SCARA3: variants seen among roughly 807,000 people sequenced by gnomAD.
The protein encoded by SCARA3 is scavenger receptor class A member 3.
A neutral mutation model predicts 47.0 loss-of-function variants in SCARA3; 39 were observed. The ratio of observed to expected loss-of-function variants is 0.83; its 90% CI spans 0.64 to 1.08. SCARA3 has a LOEUF of 1.08. Ranked by LOEUF, SCARA3 falls within the 50% of genes least tolerant of loss-of-function variation. SCARA3 has a pLI of 0.00. For synonymous variants in SCARA3, 356 were observed against 334.1 expected, an observed-to-expected ratio of 1.07 and a Z score of -0.71; for missense variants, 724 against 792.3, an observed-to-expected ratio of 0.91 and a Z score of 1.04.
intron 4 of SCARA3, 55 bp from the exon 5 acceptor site, chr8:27,658,441 A>T: frequency 4.1e-6 from 6 of 1,446,494 alleles, no homozygotes; most frequent in Non-Finnish European, 4.7e-6. Context: ...TTTAAAGAGG[A>T]AGCGTCGTAC....
chr8:27,705,490 A>G, the SCARA3 span, among the ~76,000 whole-genome samples: 5 of 152,264 alleles, frequency 3.3e-5, no homozygotes, highest in African/African-American at 1.2e-4. Context: ...ATCACCCGAC[A>G]GGGGCTCCTT....
At chr8:27,708,631 G>A in the SCARA3 span, among the ~76,000 whole-genome samples, 1 of 152,012 alleles carries the variant, frequency 6.6e-6, no homozygotes, top group South Asian at 2.1e-4. Context: ...TTGGTGGTGG[G>A]TTAGCGGACA....
At chr8:27,730,115 G>C in the SCARA3 span, among the ~76,000 whole-genome samples, 7 of 152,138 alleles carry the variant, frequency 4.6e-5, no homozygotes, top group African/African-American at 1.7e-4. Flanking sequence ...CCACCCTCAA[G>C]CACAGGGATG....
chr8:27,688,786 T>C, the SCARA3 span, among the ~76,000 whole-genome samples: 1 of 152,196 alleles, frequency 6.6e-6, no homozygotes, highest in Non-Finnish European at 1.5e-5. Context: ...AGGGAGCTCT[T>C]AGCTGCAACT....
At chr8:27,673,672 C>T (rs1485598394), downstream of SCARA3, among the ~76,000 whole-genome samples, 1 of 152,128 alleles carries the variant, frequency 6.6e-6, no homozygotes, top group Non-Finnish European at 1.5e-5. Context: ...TGAGGTCCCT[C>T]CTCCCCACTG....
At chr8:27,649,613 G>T in intron 1 of SCARA3, 89 bp from the exon 2 acceptor site, 1 of 1,214,538 alleles carries the variant, frequency 8.2e-7, no homozygotes, top group Non-Finnish European at 1.2e-6. Flanking sequence ...GGGTAGAGGT[G>T]GGCATGGGAT....
chr8:27,658,831 C>T lies in SCARA3; in HGVS notation c.661C>T (p.His221Tyr), dbSNP rs771319850. ...GTGCTACGATGTCAAGGCTGCAGTG[C>T]ACCAGATCAACTTCACCGTGGGGCA... is the stretch of plus-strand genomic sequence containing the variant. ...QECYDVKAAV[H>Y]QINFTVGQTS... Residue 221 changes from histidine (H) to tyrosine (Y), a missense_variant, in exon 5 of 6, where the codon CAC becomes TAC. Transcript: ENST00000301904. The T allele has an allele frequency of 6.2e-7, 1 of 1,614,196 alleles. No homozygotes were observed. Among genetic ancestry groups the T allele is most frequent in the South Asian group, 1.1e-5 (1 of 91,084 alleles).
chr8:27,696,249 A>C, the SCARA3 span, among the ~76,000 whole-genome samples: 26 of 152,240 alleles, frequency 1.7e-4, no homozygotes, highest in African/African-American at 6.0e-4. Flanking sequence ...GCCTCAAGCA[A>C]TCCTCCCACC....
chr8:27,715,780 T>C, the SCARA3 span, among the ~76,000 whole-genome samples: 18 of 150,384 alleles, frequency 1.2e-4, no homozygotes, highest in Non-Finnish European at 2.7e-4. The surrounding 1 kb of genome is among the most constrained non-coding windows in gnomAD (Gnocchi z 4.2). Context: ...CAGGCAGAGA[T>C]AGATGATGGA....
the SCARA3 span, among the ~76,000 whole-genome samples, chr8:27,725,380 ATTATAT>A: frequency 0.062 from 9,167 of 149,014 alleles, 286 homozygotes; most frequent in African/African-American, 0.073. Flanking sequence ...TAATATTTAT[ATTATAT>A]TTATATTTAT....
the SCARA3 span, among the ~76,000 whole-genome samples, chr8:27,730,181 G>T: frequency 6.6e-6 from 1 of 152,184 alleles, no homozygotes; most frequent in Non-Finnish European, 1.5e-5. Flanking sequence ...ATTTTAATTG[G>T]ATCAGAGGAG....
the SCARA3 span, among the ~76,000 whole-genome samples, chr8:27,727,066 G>A: frequency 6.6e-6 from 1 of 152,086 alleles, no homozygotes; most frequent in Non-Finnish European, 1.5e-5. Context: ...GTAAGCCACC[G>A]CGCCCAGCCG....
At chr8:27,700,047 T>A in the SCARA3 span, among the ~76,000 whole-genome samples, 1 of 152,118 alleles carries the variant, frequency 6.6e-6, no homozygotes, top group East Asian at 1.9e-4. Context: ...CAAACCTAAA[T>A]GTAAAAACTA....
Position 27,640,867 on chromosome 8 carries a change from T to G in SCARA3, c.7+6660T>G, listed in dbSNP as rs564885724. On this transcript the variant is annotated intron_variant, in intron 1 of 5. Transcript: ENST00000301904. ...GCATGCCACCATGCCCAGCTAATTT[T>G]TGTATTTTTTGTAGAGATGAGGTTT... 1.8e-3 allele frequency among the ~76,000 whole-genome samples: 271 copies of G among 152,252 alleles called. 3 individuals are homozygous for G. Among genetic ancestry groups the G allele is most frequent in the Non-Finnish European group, 1.7e-3 (118 of 68,018 alleles).
Position 27,671,335 on chromosome 8 carries a change from G to A in SCARA3, c.1805G>A (p.Ser602Asn). 1.4e-6 allele frequency: 2 copies of A among 1,425,942 alleles called. No individual in the cohort carries two copies. The highest frequency in any genetic ancestry group is 1.8e-6 in the Non-Finnish European group (2 of 1,090,672). 88.3% of individuals were successfully genotyped at this position (1,425,942 alleles called of 1,614,324 possible). A position where few individuals can be genotyped will look rare whatever the true frequency, so the allele number is the denominator to read the frequency against. Residue 602 changes from serine to asparagine, a missense_variant, in exon 6 of 6, where the codon AGC becomes AAC. Physicochemically the swap from Ser to Asn is conservative, Grantham distance 46. Transcript: ENST00000301904. ...GLPGPPGPPGSQSFY is the reference protein window; with the variant it reads ...GLPGPPGPPGNQSFY ...CCGGGGCCTCCAGGTCCACCAGGAA[G>A]CCAGAGCTTCTACTGAGGAGGGCTG...
At chr8:27,638,451 G>T (rs951061600) in intron 1 of SCARA3, among the ~76,000 whole-genome samples, 7 of 152,016 alleles carry the variant, frequency 4.6e-5, no homozygotes, top group Admixed American at 4.6e-4. Flanking sequence ...CATCCAGGTG[G>T]ACCAGATGAT....
At chr8:27,646,980 C>CT (rs986600211) in intron 1 of SCARA3, among the ~76,000 whole-genome samples, 1 of 113,106 alleles carries the variant, frequency 8.8e-6, no homozygotes, top group Non-Finnish European at 1.9e-5. Flanking sequence ...CCGCCCCCCC[C>CT]CCGCACACAC....
the SCARA3 span, among the ~76,000 whole-genome samples, chr8:27,695,476 C>G: frequency 6.6e-6 from 1 of 152,110 alleles, no homozygotes; most frequent in Non-Finnish European, 1.5e-5. Flanking sequence ...AGAACTGACA[C>G]ACAATAGCAA....
At chr8:27,688,480 G>A in the SCARA3 span, among the ~76,000 whole-genome samples, 1 of 151,928 alleles carries the variant, frequency 6.6e-6, no homozygotes, top group Non-Finnish European at 1.5e-5. Context: ...AGGATCGCTT[G>A]AGTGCAGGAG....
Sources: allele counts gnomAD v4.1 joint callset (sites outside exome capture counted in the v4.1 genomes callset), GRCh38; gene constraint gnomAD v4.1.1; non-coding constraint Gnocchi (gnomAD v3.1); transcripts MANE v1.5; gene names NCBI Gene and HGNC (gene_info 2026-07-23, HGNC 2026-07-21).